LRP4: variants seen among roughly 807,000 people sequenced by gnomAD.
The protein encoded by LRP4 is LDL receptor related protein 4, also known as low-density lipoprotein receptor-related protein 4.
In LRP4, 95 loss-of-function variants were observed where a neutral mutation model predicts 220.3. That is an observed-to-expected ratio of 0.43 (90% CI 0.37 to 0.51). LRP4 has a LOEUF of 0.51. LRP4 is among the 20% of genes least tolerant of loss of function. The pLI is 0.00. For synonymous variants in LRP4, 903 were observed against 954.6 expected (o/e 0.95, Z 1.00); for missense variants, 1,925 against 2,567.0 (o/e 0.75, Z 5.40).
rs756403884 is a variant in LRP4 at position 46,868,007 on chromosome 11, G to A, written c.5059C>T (p.Arg1687Cys). Residue 1687 changes from arginine (R) to cysteine (C), a missense_variant, in exon 34 of 38, where the codon CGC becomes TGC. By Grantham distance (180) the Arg-to-Cys change is radical. Coordinates refer to ENST00000378623, the MANE Select transcript of LRP4 (RefSeq NM_002334.4). ...TTLYSSTTRTRTSLEEVEGRC... is the reference protein window; with the variant it reads ...TTLYSSTTRTCTSLEEVEGRC... ...CCTTCCACCTCCTCCAGAGACGTGC[G>A]GGTCCGGGTGGTTGAAGAATACAAG... The A allele has an allele frequency of 3.7e-6, 6 of 1,614,116 alleles. No homozygotes were observed. Among genetic ancestry groups the A allele is most frequent in the Non-Finnish European group, 5.1e-6 (6 of 1,180,042 alleles).
intron 2 of LRP4, 81 bp from the exon 3 acceptor site, chr11:46,900,459 T>C: frequency 1.1e-6 from 1 of 884,010 alleles, no homozygotes; most frequent in Admixed American, 1.7e-5. Flanking sequence ...AGCCTTTTGC[T>C]CCAAATCCCC....
At position 46,873,512 on chromosome 11, in the gene LRP4, C is replaced by T; in HGVS notation, c.4311G>A (p.Trp1437Ter). The T allele has an allele frequency of 6.2e-7, 1 of 1,614,224 alleles. No individual in the cohort carries two copies. Among genetic ancestry groups the T allele is most frequent in the Non-Finnish European group, 8.5e-7 (1 of 1,180,050 alleles). ...CTGTCCAGTACAGGTTCCTGGCCAC[C>T]CAGTCCACTGCCAGCCCGTCAGTGG... The part of the protein sequence containing the change: ...LKTTDGLAVD[W>*]VARNLYWTDT... The change falls in exon 29 of 38, where the codon TGG (tryptophan) becomes TGA (stop). Residue 1437 changes from tryptophan to a stop codon, truncating the protein, a stop_gained. Transcript: ENST00000378623. LOFTEE classifies it high-confidence loss of function. This position sits in a 1 kb window ranked among gnomAD's most constrained non-coding sequence, Gnocchi z 4.2.
intron 36 of LRP4, among the ~76,000 whole-genome samples, chr11:46,863,929 A>G (rs1940626872): frequency 6.6e-6 from 1 of 152,206 alleles, no homozygotes; most frequent in Non-Finnish European, 1.5e-5. Flanking sequence ...GCAAACTGTA[A>G]GCTACGTTTA....
At position 46,874,813 on chromosome 11, in the gene LRP4, G is replaced by A. The variant is rs769306787; in HGVS notation, c.4216C>T (p.Leu1406=). ...TGTTGCTCATACCTGATAACATCCA[G>A]GAACACATCTGTGTAATAGACCTTT... ...DGKVYYTDVF[L]DVIRRADLNG... The change falls in exon 28 of 38, where the codon CTG becomes TTG. Residue 1406 remains leucine (L), a synonymous_variant. Transcript: ENST00000378623. 1 of 1,613,824 alleles carries A rather than the reference G, an allele frequency of 6.2e-7. No homozygotes were observed. The highest frequency in any genetic ancestry group is 1.1e-5 in the South Asian group (1 of 91,080).
At position 46,873,519 on chromosome 11, in the gene LRP4, A is replaced by G; in HGVS notation, c.4304T>C (p.Val1435Ala). ...GTACAGGTTCCTGGCCACCCAGTCCACTGCCAGCCCGTCAGTGGTCTTCAG... is the reference window on the plus strand; with the variant it reads ...GTACAGGTTCCTGGCCACCCAGTCCGCTGCCAGCCCGTCAGTGGTCTTCAG... ...RGLKTTDGLA[V>A]DWVARNLYWT... is the part of the protein sequence containing the mutation. The change falls in exon 29 of 38, where the codon GTG becomes GCG. Residue 1435 changes from valine to alanine, a missense_variant. Physicochemically the swap from Val to Ala is moderately conservative, Grantham distance 64. Transcript: ENST00000378623. The surrounding 1 kb of genome is among the most constrained non-coding windows in gnomAD (Gnocchi z 4.2). 1 of 1,614,178 alleles carries G rather than the reference A, an allele frequency of 6.2e-7. No individual in the cohort carries two copies. Among genetic ancestry groups the G allele is most frequent in the South Asian group, 1.1e-5 (1 of 91,076 alleles).
chr11:46,893,000 C>T lies in LRP4; in HGVS notation c.1670G>A (p.Arg557Gln), dbSNP rs750935748. 3.7e-6 allele frequency: 6 copies of T among 1,613,702 alleles called. No individual in the cohort carries two copies. The highest frequency in any genetic ancestry group is 2.7e-5 in the African/African-American group (2 of 74,914). ...CTCCATGGGATGCAAGGCAATGGCC[C>T]GGGGCTTCTCCAGGTTCTGCCACAG... ...VLLWQNLEKP[R>Q]AIALHPMEGT... Residue 557 changes from arginine (R) to glutamine (Q), a missense_variant, in exon 13 of 38, where the codon CGG becomes CAG. Physicochemically the swap from Arg to Gln is conservative, Grantham distance 43. This residue lies in a region of LRP4 where 269 missense variants were observed against 436.7 expected (regional missense o/e 0.62). Transcript: ENST00000378623.
chr11:46,917,213 A>C (rs1049525204), intron 1 of LRP4, among the ~76,000 whole-genome samples: 1 of 152,250 alleles, frequency 6.6e-6, no homozygotes, highest in Non-Finnish European at 1.5e-5. Flanking sequence ...TGAAAGAAAG[A>C]ACCGGTAAAA....
rs138596351 is a variant in LRP4, at chr11:46,862,744, G to A, written c.5247C>T (p.His1749=). The part of the protein sequence containing the change: ...VVIAALMLYR[H]KKSKFTDPGM... ...CAGGATCAGTGAACTTGGATTTTTT[G>A]TGTCTTTAGGAGGGAAGGTGATGAG... is the stretch of plus-strand genomic sequence containing the variant. Residue 1749 remains histidine, a synonymous_variant, in exon 37 of 38, where the codon CAC becomes CAT. Coordinates refer to ENST00000378623, the MANE Select transcript of LRP4 (RefSeq NM_002334.4). 2 of 1,613,720 alleles carry A rather than the reference G, an allele frequency of 1.2e-6. No individual in the cohort carries two copies. Among genetic ancestry groups the A allele is most frequent in the African/African-American group, 2.7e-5 (2 of 74,828 alleles).
chr11:46,859,115 C>T lies in LRP4; in HGVS notation c.5586G>A (p.Thr1862=), dbSNP rs751494811. 5.3e-5 allele frequency: 86 copies of T among 1,614,044 alleles called. No homozygotes were observed. The highest frequency in any genetic ancestry group is 6.9e-5 in the Non-Finnish European group (82 of 1,180,030). The change falls in exon 38 of 38, where the codon ACG becomes ACA. Residue 1862 remains threonine (T), a synonymous_variant. Transcript: ENST00000378623. ...ASSGSLDDTE[T]EQLLQEEQSE... is the part of the protein sequence containing the mutation. ...ACTGCTCTTCCTGTAACAGCTGCTCCGTCTCTGTGTCATCCAGGGAGCCAG... is the reference window on the plus strand; with the variant it reads ...ACTGCTCTTCCTGTAACAGCTGCTCTGTCTCTGTGTCATCCAGGGAGCCAG...
At chr11:46,910,219 T>C (rs143616791) in intron 1 of LRP4, among the ~76,000 whole-genome samples, 139 of 152,306 alleles carry the variant, frequency 9.1e-4, no homozygotes, top group African/African-American at 3.1e-3. Flanking sequence ...AACATAATGT[T>C]AAGCACGGAG....
chr11:46,900,631 C>G (rs1436862193), intron 2 of LRP4, among the ~76,000 whole-genome samples: 2 of 151,926 alleles, frequency 1.3e-5, no homozygotes, highest in Non-Finnish European at 2.9e-5. Flanking sequence ...CCACACCTGG[C>G]TAGGTTTTTT....
At chr11:46,916,160 C>T (rs919134092) in intron 1 of LRP4, among the ~76,000 whole-genome samples, 10 of 152,158 alleles carry the variant, frequency 6.6e-5, no homozygotes, top group South Asian at 2.1e-4. Context: ...AAACCTGGGC[C>T]GGACACAGTG....
rs148402536 is a variant in LRP4, at chr11:46,899,039, G to A, written c.548-7C>T. 1 of 1,610,218 alleles carries A rather than the reference G, an allele frequency of 6.2e-7. No homozygotes were observed. Among genetic ancestry groups the A allele is most frequent in the African/African-American group, 1.3e-5 (1 of 74,992 alleles). On this transcript the variant is annotated splice_polypyrimidine_tract_variant and splice_region_variant and intron_variant, in intron 5 of 37. Transcript: ENST00000378623. The surrounding 1 kb of genome is among the most constrained non-coding windows in gnomAD (Gnocchi z 5.9). Reference sequence around the variant, plus strand: ...GGCGCTGGCACTGCTGAGGCTGGAGGGAAGGCAGGGGTGGGGAGGGGCACA... The same window carrying A: ...GGCGCTGGCACTGCTGAGGCTGGAGAGAAGGCAGGGGTGGGGAGGGGCACA...
chr11:46,900,156 G>A (rs1941636875), intron 3 of LRP4, 106 bp downstream of exon 3: 1 of 1,013,572 alleles, frequency 9.9e-7, no homozygotes, highest in Non-Finnish European at 1.6e-6. Flanking sequence ...AGGACAAAGT[G>A]CTGAAAACAC....
At chr11:46,874,718 A>G (rs574250368) in intron 28 of LRP4, 82 bp downstream of exon 28, 21 of 1,230,918 alleles carry the variant, frequency 1.7e-5, no homozygotes, top group Middle Eastern at 3.8e-4. Context: ...TCACTCATCC[A>G]TTTAGTGGTC....
intron 18 of LRP4, among the ~76,000 whole-genome samples, chr11:46,885,880 A>T (rs1202427573): frequency 6.6e-6 from 1 of 152,122 alleles, no homozygotes; most frequent in African/African-American, 2.4e-5. Context: ...CATCAGCTAC[A>T]CAGCAGAAGC....
intron 22 of LRP4, among the ~76,000 whole-genome samples, chr11:46,877,705 G>A (rs548558043): frequency 2.6e-4 from 39 of 152,130 alleles, no homozygotes; most frequent in African/African-American, 8.9e-4. Flanking sequence ...CTGGGCTCAA[G>A]CCTCTGCCCA....
Position 46,865,154 on chromosome 11 carries a change from C to A in LRP4, c.5120G>T (p.Cys1707Phe). Residue 1707 changes from cysteine to phenylalanine, a missense_variant, in exon 35 of 38, where the codon TGT becomes TTT. By Grantham distance (205) the Cys-to-Phe change is radical. Around this residue, in one of 3 missense-constraint regions of LRP4, gnomAD observed 1,244 missense variants for 1,624.9 expected, o/e 0.77. Coordinates refer to ENST00000378623, the MANE Select transcript of LRP4 (RefSeq NM_002334.4). Reference protein sequence around the residue: ...CSERDARLGLCARSNDAVPAA... With the variant: ...CSERDARLGLFARSNDAVPAA... ...AGGAACAGCGTCATTGGAACGTGCA[C>A]AGAGGCCCAGCCTGGCATCCCTTTC... 1 of 1,561,474 alleles carries A rather than the reference C, an allele frequency of 6.4e-7. No individual in the cohort carries two copies.
chr11:46,912,614 T>G (rs1941880165), intron 1 of LRP4, among the ~76,000 whole-genome samples: 1 of 152,218 alleles, frequency 6.6e-6, no homozygotes, highest in Admixed American at 6.5e-5. Flanking sequence ...TCCTCATCCA[T>G]GCCAGCGCGT....
Sources: gnomAD v4.1 joint callset for allele counts (sites outside exome capture counted in the v4.1 genomes callset) on GRCh38, gnomAD v4.1.1 for gene constraint, gnomAD v4.1.1 regional missense constraint, Gnocchi (gnomAD v3.1) non-coding constraint, MANE v1.5 for transcripts, NCBI Gene and HGNC (gene_info 2026-07-23, HGNC 2026-07-21) for gene names.